The following ARHGEF38 variants were observed in gnomAD, a reference collection of about 807,000 sequenced individuals.
ARHGEF38 encodes the protein Rho guanine nucleotide exchange factor 38, also known as Rho guanine nucleotide exchange factor (GEF) 38.
ARHGEF38 carries 79 observed loss-of-function variants against 79.9 expected under a neutral mutation model. The observed-to-expected ratio is 0.99, with a 90% CI of 0.82 to 1.19. The LOEUF (loss-of-function observed/expected upper bound fraction) is 1.19. Among genes scored for constraint, ARHGEF38 ranks in the 50% most tolerant of loss-of-function variants. The pLI, the probability that ARHGEF38 is intolerant of heterozygous loss-of-function variation, is 0.00. For missense variants in ARHGEF38, 962 were observed against 907.2 expected (o/e 1.06, Z -0.78); for synonymous variants, 366 against 328.3 (o/e 1.11, Z -1.24).
At position 105,570,285 on chromosome 4, in the gene ARHGEF38, T is replaced by G. The variant is rs1021649609; in HGVS notation, c.196+17324T>G. ...AAAGTGGTTGCTCTTATTATAGGCT[T>G]ATCACAATACATTATAATCAAATAT... On this transcript the variant is annotated intron_variant, in intron 1 of 13. Transcript: ENST00000420470. 4 of 152,224 alleles carry G rather than the reference T, an allele frequency of 2.6e-5. No individual in the cohort carries two copies. In the East Asian group the frequency reaches 5.8e-4, roughly 22 times the overall value. 9.4% of individuals were successfully genotyped at this position (152,224 alleles called of 1,614,324 possible).
chr4:105,571,986 A>G (rs1246551396), intron 1 of ARHGEF38, among the ~76,000 whole-genome samples: 2 of 152,218 alleles, frequency 1.3e-5, no homozygotes, highest in African/African-American at 4.8e-5. Flanking sequence ...TGTGAGATAG[A>G]AGGATATCAT....
chr4:105,652,541 A>C (rs1730147439), intron 7 of ARHGEF38, among the ~76,000 whole-genome samples: 1 of 152,198 alleles, frequency 6.6e-6, no homozygotes, highest in Non-Finnish European at 1.5e-5. Context: ...AAGGCAGGAA[A>C]CGAACAGCAG....
intron 4 of ARHGEF38, 68 bp downstream of exon 4, chr4:105,631,113 T>G: frequency 6.6e-7 from 1 of 1,520,834 alleles, no homozygotes; most frequent in Non-Finnish European, 8.8e-7. Flanking sequence ...TTTAAATGGA[T>G]GTAGATGAAA....
At chr4:105,633,658 T>G (rs1729284488) in intron 4 of ARHGEF38, among the ~76,000 whole-genome samples, 1 of 152,190 alleles carries the variant, frequency 6.6e-6, no homozygotes, top group Non-Finnish European at 1.5e-5. Flanking sequence ...TAAAGCAATT[T>G]AGGCTGCTTT....
chr4:105,607,116 G>A (rs1343759177), intron 2 of ARHGEF38, among the ~76,000 whole-genome samples: 1 of 152,106 alleles, frequency 6.6e-6, no homozygotes, highest in Non-Finnish European at 1.5e-5. Context: ...GATTCATCCA[G>A]TGCTCATTAA....
At chr4:105,643,549 C>T (rs866117996) in intron 5 of ARHGEF38, among the ~76,000 whole-genome samples, 2 of 152,096 alleles carry the variant, frequency 1.3e-5, no homozygotes, top group African/African-American at 2.4e-5. Context: ...TTGGAAAAAA[C>T]GTTCGGTATA....
chr4:105,659,467 G>A (rs962446338), intron 10 of ARHGEF38, 102 bp downstream of exon 10: 6 of 1,085,814 alleles, frequency 5.5e-6, no homozygotes, highest in Non-Finnish European at 7.7e-6. Flanking sequence ...CATGTATGCC[G>A]TGTGGTGTGT....
At chr4:105,647,385 A>G (rs1729890891) in intron 6 of ARHGEF38, among the ~76,000 whole-genome samples, 1 of 151,980 alleles carries the variant, frequency 6.6e-6, no homozygotes, top group African/African-American at 2.4e-5. Context: ...TATCATGAAC[A>G]TTCTTTCAAT....
At chr4:105,634,416 A>T (rs1729319352) in intron 4 of ARHGEF38, among the ~76,000 whole-genome samples, 1 of 152,196 alleles carries the variant, frequency 6.6e-6, no homozygotes, top group South Asian at 2.1e-4. Context: ...AAGTTTTGAC[A>T]GTCAAATTAG....
In ARHGEF38 at chr4:105,587,524, G is replaced by A. The variant is rs4699190; in HGVS notation, c.197-1724G>A. On this transcript the variant is annotated intron_variant, in intron 1 of 13. Transcript: ENST00000420470. The stretch of plus-strand genomic sequence containing the variant: ...CGCCCAGGCTGGAGTGCAGTGGCAC[G>A]ATCTCGGCTCACTGCAAGCTCCACC... Among the ~76,000 whole-genome samples, 305 of 152,158 alleles carry A rather than the reference G, an allele frequency of 2.0e-3. 3 individuals are homozygous for A. The highest frequency in any genetic ancestry group is 7.0e-3 in the African/African-American group (292 of 41,480).
At chr4:105,641,661 C>CT (rs199924283) in intron 5 of ARHGEF38, among the ~76,000 whole-genome samples, 1 of 151,518 alleles carries the variant, frequency 6.6e-6, no homozygotes, top group East Asian at 1.9e-4. Context: ...CATAATTATT[C>CT]TTTTTTTTAT....
rs531286762 is a variant in ARHGEF38, at chr4:105,645,404, T to G, written c.874+17T>G. ...AAGATTTAGGTAGGAAGAGACATGA[T>G]GAATTGGTTGTTTTCCATTATTGGA... On this transcript the variant is annotated intron_variant, in intron 6 of 13. Transcript: ENST00000420470. 6.7e-7 allele frequency: 1 copy of G among 1,495,226 alleles called. No individual in the cohort carries two copies. Among genetic ancestry groups the G allele is most frequent in the South Asian group, 1.3e-5 (1 of 76,914 alleles). 92.6% of individuals were successfully genotyped at this position (1,495,226 alleles called of 1,614,324 possible).
intron 2 of ARHGEF38, among the ~76,000 whole-genome samples, chr4:105,593,442 G>A (rs908416555): frequency 1.3e-5 from 2 of 152,138 alleles, no homozygotes; most frequent in Non-Finnish European, 1.5e-5. Flanking sequence ...GGAGGCTGAG[G>A]TGGGAGGATC....
chr4:105,601,890 T>C (rs934649370), intron 2 of ARHGEF38, among the ~76,000 whole-genome samples: 1 of 152,204 alleles, frequency 6.6e-6, no homozygotes, highest in Non-Finnish European at 1.5e-5. Context: ...TTTAACCCTA[T>C]ATTTAATACA....
chr4:105,616,560 A>G (rs939388597), intron 3 of ARHGEF38, among the ~76,000 whole-genome samples: 2 of 152,160 alleles, frequency 1.3e-5, no homozygotes, highest in Non-Finnish European at 2.9e-5. Context: ...GTCCACCCCC[A>G]TGATTCAATC....
intron 3 of ARHGEF38, among the ~76,000 whole-genome samples, chr4:105,630,232 A>T (rs932842363): frequency 6.6e-6 from 1 of 150,730 alleles, no homozygotes; most frequent in Non-Finnish European, 1.5e-5. Flanking sequence ...CGTGCACACC[A>T]ACTCTAAACT....
intron 2 of ARHGEF38, among the ~76,000 whole-genome samples, chr4:105,608,842 C>T (rs1372376719): frequency 1.3e-5 from 2 of 151,704 alleles, no homozygotes; most frequent in African/African-American, 4.8e-5. Context: ...TTAGTTTTGC[C>T]CATGTTTTAA....
intron 8 of ARHGEF38, among the ~76,000 whole-genome samples, chr4:105,655,093 C>A (rs1454222980): frequency 1.3e-5 from 2 of 152,078 alleles, no homozygotes; most frequent in African/African-American, 2.4e-5. Flanking sequence ...AAAAGAAAAC[C>A]AAAAACAGTT....
chr4:105,636,634 C>A (rs1180388855), intron 5 of ARHGEF38, among the ~76,000 whole-genome samples: 2 of 151,930 alleles, frequency 1.3e-5, no homozygotes, highest in Non-Finnish European at 2.9e-5. Flanking sequence ...AGAAGAATCC[C>A]AACATATAAT....
Sources: gnomAD v4.1 joint callset for allele counts (sites outside exome capture counted in the v4.1 genomes callset) on GRCh38, gnomAD v4.1.1 for gene constraint, MANE v1.5 for transcripts, NCBI Gene and HGNC (gene_info 2026-07-23, HGNC 2026-07-21) for gene names.